The following TEKT3 variants were observed in gnomAD, a reference collection of about 807,000 sequenced individuals.
TEKT3 encodes the protein tektin 3.
In TEKT3, 49 loss-of-function variants were observed where a neutral mutation model predicts 49.8. The ratio of observed to expected loss-of-function variants is 0.98; its 90% confidence interval spans 0.78 to 1.25. The LOEUF (loss-of-function observed/expected upper bound fraction) is 1.25, where lower values mean the gene tolerates loss of function less well. Among genes scored for constraint, TEKT3 ranks in the 50% most tolerant of loss-of-function variants. The probability of loss-of-function intolerance (pLI) is 0.00; values close to 1 mark genes in which losing one functional copy is unlikely to be tolerated. For synonymous variants in TEKT3, 225 were observed against 237.2 expected, an observed-to-expected ratio of 0.95 and a Z score of 0.47; for missense variants, 595 against 629.5, an observed-to-expected ratio of 0.95 and a Z score of 0.59.
intron 5 of TEKT3, 89 bp downstream of exon 5, chr17:15,318,988 T>C: frequency 9.3e-7 from 1 of 1,072,634 alleles, no homozygotes; most frequent in Non-Finnish European, 1.4e-6. Context: ...TGTGTGTCCT[T>C]ATAAGAAATT....
At chr17:15,306,089 A>ATGTG (rs58688985) in intron 8 of TEKT3, among the ~76,000 whole-genome samples, 8,844 of 144,224 alleles carry the variant, frequency 0.061, 284 homozygotes, top group East Asian at 0.12. Context: ...ATTTATATAT[A>ATGTG]TGTGTGTGTG....
In TEKT3 at chr17:15,308,772, T is replaced by G. The variant is rs184881892; in HGVS notation, c.1148A>C (p.Lys383Thr). 4.6e-5 allele frequency: 75 copies of G among 1,614,018 alleles called. 1 individual carries two copies. Among genetic ancestry groups the G allele is most frequent in the Non-Finnish European group, 6.1e-5 (72 of 1,180,024 alleles). ...GGCAGTCTTGTCCTTGATGGCCTTC[T>G]TGATGGATTCTATGGTCATTTCAGT... ...FQTEMTIESI[K>T]KAIKDKTAFL... Residue 383 changes from lysine to threonine, a missense_variant, in exon 8 of 9, where the codon AAG becomes ACG. By Grantham distance (78) the Lys-to-Thr change is moderately conservative (BLOSUM62 -1). Coordinates refer to ENST00000395930, the MANE Select transcript of TEKT3 (RefSeq NM_031898.3).
intron 5 of TEKT3, among the ~76,000 whole-genome samples, chr17:15,317,234 G>T (rs1911049655): frequency 6.6e-6 from 1 of 152,090 alleles, no homozygotes; most frequent in Non-Finnish European, 1.5e-5. Context: ...TTCTGCAAAG[G>T]TCTGCAATAC....
At chr17:15,331,673 T>C (rs2150751164) in intron 2 of TEKT3, 59 bp from the exon 3 acceptor site, 1 of 1,336,968 alleles carries the variant, frequency 7.5e-7, no homozygotes, top group Middle Eastern at 2.0e-4. Flanking sequence ...TGGTGAAACA[T>C]ACAGATAAAA....
chr17:15,313,927 G>T (rs1043691445), intron 6 of TEKT3, among the ~76,000 whole-genome samples, 160 bp downstream of exon 6: 1 of 152,222 alleles, frequency 6.6e-6, no homozygotes, highest in Non-Finnish European at 1.5e-5. Context: ...TCTGACCACA[G>T]AACGTGCTTG....
At chr17:15,341,486 A>G (rs1912226664) in intron 1 of TEKT3, 32 bp downstream of exon 1, 3 of 152,276 alleles carry the variant, frequency 2.0e-5, no homozygotes, top group Non-Finnish European at 4.4e-5. Flanking sequence ...GGGTAGTCCT[A>G]GAGGCAGGCT....
At chr17:15,328,137 T>G in intron 3 of TEKT3, 62 bp from the exon 4 acceptor site, 25 of 1,453,438 alleles carry the variant, frequency 1.7e-5, no homozygotes, top group Non-Finnish European at 2.2e-5. Context: ...CTAGCAGCTC[T>G]AATAATTTGT....
chr17:15,322,058 T>C (rs414494), intron 4 of TEKT3, among the ~76,000 whole-genome samples: 24,238 of 151,902 alleles, frequency 0.16, 2,075 homozygotes, highest in African/African-American at 0.22. Flanking sequence ...GAATGATGAA[T>C]AGTGGGACTC....
At chr17:15,308,529 T>G in intron 8 of TEKT3, 135 bp downstream of exon 8, 1 of 1,191,366 alleles carries the variant, frequency 8.4e-7, no homozygotes, top group Non-Finnish European at 1.2e-6. Flanking sequence ...ATTCAACATC[T>G]CCCCATTACT....
At chr17:15,306,854 G>C (rs1910571202) in intron 8 of TEKT3, 1 of 152,200 alleles carries the variant, frequency 6.6e-6, no homozygotes, top group African/African-American at 2.4e-5. Context: ...CTCACTGCTG[G>C]GTTCTTCTAA....
At chr17:15,316,482 GGTGGGAT>G (rs1364853390) in intron 5 of TEKT3, among the ~76,000 whole-genome samples, 8 of 152,116 alleles carry the variant, frequency 5.3e-5, no homozygotes, top group Admixed American at 3.9e-4. Flanking sequence ...GAGGGAGGAG[GGTGGGAT>G]GTTGGAAGGT....
chr17:15,308,657 A>G lies in TEKT3; in HGVS notation c.1256+7T>C, dbSNP rs115263846. ...AGCGAGCCCCGAGCCTTCCCCTCCCACCTTACCGTAGCTGAGCCATGTCTC... is the reference window on the plus strand; with the variant it reads ...AGCGAGCCCCGAGCCTTCCCCTCCCGCCTTACCGTAGCTGAGCCATGTCTC... On this transcript the variant is annotated splice_region_variant and intron_variant, in intron 8 of 8. Transcript: ENST00000395930. 8.4e-4 allele frequency: 1,343 copies of G among 1,600,566 alleles called. 12 individuals are homozygous for G. The African/African-American group carries it at 0.015, about 18-fold the overall frequency.
rs148806904 is a variant in TEKT3, at chr17:15,326,270, C to T, written c.663+1722G>A. ...TCACCAAGGACCAATTAAAAAGAGG[C>T]GAAGAGGTGTGACCCTGCAAAGCTT... On this transcript the variant is annotated intron_variant, in intron 4 of 8. Transcript: ENST00000395930. 2.8e-3 allele frequency among the ~76,000 whole-genome samples: 424 copies of T among 152,144 alleles called. 1 individual carries two copies. The highest frequency in any genetic ancestry group is 9.5e-3 in the African/African-American group (394 of 41,486).
At chr17:15,319,963 C>T (rs1911180241) in intron 4 of TEKT3, among the ~76,000 whole-genome samples, 1 of 152,208 alleles carries the variant, frequency 6.6e-6, no homozygotes, top group Admixed American at 6.5e-5. Flanking sequence ...TGAACATTTT[C>T]TCATGACATT....
intron 4 of TEKT3, among the ~76,000 whole-genome samples, chr17:15,326,475 T>C (rs995485334): frequency 4.6e-5 from 7 of 152,100 alleles, no homozygotes; most frequent in African/African-American, 1.2e-4. Flanking sequence ...TGAGAATGTA[T>C]AGGATAGATC....
intron 7 of TEKT3, 94 bp downstream of exon 7, chr17:15,312,165 A>C (rs182323766): frequency 8.2e-7 from 1 of 1,213,568 alleles, no homozygotes; most frequent in Non-Finnish European, 1.2e-6. Flanking sequence ...TCACATGCCT[A>C]TGGTGCCTCT....
Position 15,304,282 on chromosome 17 carries a change from A to T in TEKT3, c.1257-130T>A, listed in dbSNP as rs1439261253. ...TAGGATATATTTATCAGCAAATGAGAGGTGCATGAAATTAATAAAATATAA... is the reference window on the plus strand; with the variant it reads ...TAGGATATATTTATCAGCAAATGAGTGGTGCATGAAATTAATAAAATATAA... On this transcript the variant is annotated intron_variant, in intron 8 of 8. Transcript: ENST00000395930. The surrounding 1 kb of genome is among the most constrained non-coding windows in gnomAD (Gnocchi z 4.7). 3 of 818,552 alleles carry T rather than the reference A, an allele frequency of 3.7e-6. No individual in the cohort carries two copies. Among genetic ancestry groups the T allele is most frequent in the Non-Finnish European group, 5.7e-6 (3 of 523,502 alleles). 50.7% of individuals were successfully genotyped at this position (818,552 alleles called of 1,614,324 possible). A position where few individuals can be genotyped will look rare whatever the true frequency, so the allele number is the denominator to read the frequency against.
chr17:15,321,736 T>A (rs745536786), intron 4 of TEKT3, among the ~76,000 whole-genome samples: 1 of 152,174 alleles, frequency 6.6e-6, no homozygotes, highest in Non-Finnish European at 1.5e-5. Context: ...ACTGACTTCA[T>A]TGAGCTTCTC....
At chr17:15,311,684 T>A (rs1358515030) in intron 7 of TEKT3, among the ~76,000 whole-genome samples, 1 of 152,104 alleles carries the variant, frequency 6.6e-6, no homozygotes, top group Admixed American at 6.5e-5. Flanking sequence ...TGCAGCATAA[T>A]CCACAGAAAC....
Sources: allele counts gnomAD v4.1 joint callset (sites outside exome capture counted in the v4.1 genomes callset), GRCh38; gene constraint gnomAD v4.1.1; non-coding constraint Gnocchi (gnomAD v3.1); transcripts MANE v1.5; gene names NCBI Gene and HGNC (gene_info 2026-07-23, HGNC 2026-07-21).